MBNL2: variants seen among roughly 807,000 people sequenced by gnomAD.
The protein encoded by MBNL2 is muscleblind-like protein 2.
In MBNL2, 17 loss-of-function variants were observed where a neutral mutation model predicts 41.9. The ratio of observed to expected loss-of-function variants is 0.41; its 90% CI spans 0.28 to 0.61. The LOEUF (loss-of-function observed/expected upper bound fraction) is 0.61, where lower values mean the gene tolerates loss of function less well. MBNL2 is among the 20% of genes least tolerant of loss of function. MBNL2 has a pLI of 0.35. For synonymous variants in MBNL2, 195 were observed against 182.9 expected (o/e 1.07, Z -0.53); for missense variants, 336 against 505.6 (o/e 0.66, Z 3.22).
chr13:97,239,950 C>G (rs2043962774), intron 1 of MBNL2, among the ~76,000 whole-genome samples: 1 of 152,196 alleles, frequency 6.6e-6, no homozygotes, highest in Non-Finnish European at 1.5e-5. Flanking sequence ...CTATATTCAC[C>G]TCTCCACCCA....
chr13:97,263,442 A>G (rs1192026940), intron 1 of MBNL2, among the ~76,000 whole-genome samples: 1 of 152,154 alleles, frequency 6.6e-6, no homozygotes, highest in Non-Finnish European at 1.5e-5. Flanking sequence ...CCCCTATGTC[A>G]CTATTCATAA....
chr13:97,379,418 T>G (rs2065233602), intron 8 of MBNL2, among the ~76,000 whole-genome samples: 1 of 152,190 alleles, frequency 6.6e-6, no homozygotes, highest in Non-Finnish European at 1.5e-5. Flanking sequence ...AATTTAAAAA[T>G]AAAGATACTA....
At chr13:97,319,975 A>C (rs2059369446) in intron 2 of MBNL2, among the ~76,000 whole-genome samples, 1 of 152,180 alleles carries the variant, frequency 6.6e-6, no homozygotes, top group African/African-American at 2.4e-5. Context: ...GGGAGATCTC[A>C]TTACCTAAGA....
the MBNL2 span, among the ~76,000 whole-genome samples, chr13:97,182,159 G>A: frequency 6.6e-6 from 1 of 152,266 alleles, no homozygotes; most frequent in East Asian, 1.9e-4. Flanking sequence ...TGGAAGGAAG[G>A]CATATGGATG....
At chr13:97,187,867 C>T in the MBNL2 span, among the ~76,000 whole-genome samples, 1 of 151,116 alleles carries the variant, frequency 6.6e-6, no homozygotes, top group South Asian at 2.1e-4. Context: ...TGAGATCGCG[C>T]CACCGCACTC....
intron 4 of MBNL2, among the ~76,000 whole-genome samples, chr13:97,345,911 A>G (rs908699839): frequency 2.6e-5 from 4 of 152,310 alleles, no homozygotes; most frequent in African/African-American, 7.2e-5. Context: ...GAATTGTCAT[A>G]CAAGTAGGTG....
At position 97,366,440 on chromosome 13, in the gene MBNL2, A is replaced by G. The variant is rs745649065; in HGVS notation, c.1048+1269A>G. ...CTACACCCTCCTGTTCATTGCTCCC[A>G]TGGTTCCCCTCCTGAAAGTACCCAT... On this transcript the variant is annotated intron_variant, in intron 8 of 8. Transcript: ENST00000679496. The surrounding 1 kb of genome is among the most constrained non-coding windows in gnomAD (Gnocchi z 4.7). 1.6e-6 allele frequency: 2 copies of G among 1,276,586 alleles called. No individual in the cohort carries two copies. The highest frequency in any genetic ancestry group is 2.3e-6 in the Non-Finnish European group (2 of 875,430). 79.1% of individuals were successfully genotyped at this position (1,276,586 alleles called of 1,614,324 possible).
intron 1 of MBNL2, among the ~76,000 whole-genome samples, chr13:97,247,418 A>C (rs1260935913): frequency 6.6e-6 from 1 of 152,198 alleles, no homozygotes; most frequent in Non-Finnish European, 1.5e-5. Context: ...GATTCCCCTT[A>C]AAAGTGAGAT....
At chr13:97,158,571 G>T in the MBNL2 span, among the ~76,000 whole-genome samples, 1 of 151,030 alleles carries the variant, frequency 6.6e-6, no homozygotes, top group Non-Finnish European at 1.5e-5. Context: ...CTTTGAATGC[G>T]TCCCAGAGAT....
intron 2 of MBNL2, among the ~76,000 whole-genome samples, chr13:97,287,918 G>GTTTTTTTTTTTTTTTTTTTTTTTTTTT (rs11423615): frequency 3.2e-5 from 4 of 124,630 alleles, no homozygotes; most frequent in African/African-American, 1.0e-4. Context: ...CTAATTTTCT[G>GTTTTTTTTTTTTTTTTTTTTTTTTTTT]TTTTTTTTTT....
chr13:97,289,907 A>G (rs1269946346), intron 2 of MBNL2, among the ~76,000 whole-genome samples: 5 of 152,258 alleles, frequency 3.3e-5, no homozygotes, highest in Non-Finnish European at 7.3e-5. Flanking sequence ...GCCTATATTA[A>G]AGAAGAATAC....
At chr13:97,224,628 C>CAAAAAAAAAAAAAA (rs538498133) in intron 1 of MBNL2, among the ~76,000 whole-genome samples, 1 of 107,450 alleles carries the variant, frequency 9.3e-6, no homozygotes, top group Non-Finnish European at 1.9e-5. Flanking sequence ...GACCTTTTAC[C>CAAAAAAAAAAAAAA]AAAAAAAAAA....
At chr13:97,338,968 A>C (rs1002341978) in intron 3 of MBNL2, among the ~76,000 whole-genome samples, 1 of 152,138 alleles carries the variant, frequency 6.6e-6, no homozygotes, top group Non-Finnish European at 1.5e-5. Flanking sequence ...CCTTGCTGCT[A>C]CAAAATAGCA....
At chr13:97,364,289 C>A (rs1012133440) in intron 7 of MBNL2, among the ~76,000 whole-genome samples, 2 of 152,190 alleles carry the variant, frequency 1.3e-5, no homozygotes, top group Non-Finnish European at 2.9e-5. Context: ...TGCCAGAAAT[C>A]CCCCTCAGGG....
intron 1 of MBNL2, among the ~76,000 whole-genome samples, chr13:97,260,729 A>T (rs1327957184): frequency 6.6e-6 from 1 of 152,192 alleles, no homozygotes; most frequent in Non-Finnish European, 1.5e-5. Context: ...AGTGCATTTG[A>T]AGCCATAAAA....
In MBNL2 at chr13:97,334,976, C is replaced by T. The variant is rs578201037; in HGVS notation, c.339+536C>T. 4.6e-5 allele frequency among the ~76,000 whole-genome samples: 7 copies of T among 152,248 alleles called. No homozygotes were observed. Among genetic ancestry groups the T allele is most frequent in the Admixed American group, 2.0e-4 (3 of 15,298 alleles). ...TTCCAGGAAGATCCTAGTAACAGCCCCCAAAGAAGGATGTCAAATGCAGCA... is the reference window on the plus strand; with the variant it reads ...TTCCAGGAAGATCCTAGTAACAGCCTCCAAAGAAGGATGTCAAATGCAGCA... On this transcript the variant is annotated intron_variant, in intron 3 of 8. Transcript: ENST00000679496. The surrounding 1 kb of genome is among the most constrained non-coding windows in gnomAD (Gnocchi z 5.3).
intron 1 of MBNL2, among the ~76,000 whole-genome samples, chr13:97,274,677 A>G (rs1260851290): frequency 5.9e-5 from 9 of 152,218 alleles, no homozygotes; most frequent in Admixed American, 5.9e-4. Context: ...CTATTTATGA[A>G]AATAATCAAC....
intron 2 of MBNL2, among the ~76,000 whole-genome samples, chr13:97,288,975 GAACA>G (rs2055238009): frequency 6.6e-6 from 1 of 152,166 alleles, no homozygotes; most frequent in East Asian, 1.9e-4. Context: ...AAGCTCTGTA[GAACA>G]TGATATATTG....
intron 8 of MBNL2, among the ~76,000 whole-genome samples, chr13:97,367,336 C>A (rs1026902918): frequency 1.3e-5 from 2 of 152,188 alleles, no homozygotes; most frequent in Non-Finnish European, 2.9e-5. Context: ...AAGGAGACAG[C>A]GTGAGGGTGA....
Sources: allele counts gnomAD v4.1 joint callset (sites outside exome capture counted in the v4.1 genomes callset), GRCh38; gene constraint gnomAD v4.1.1; non-coding constraint Gnocchi (gnomAD v3.1); transcripts MANE v1.5; gene names NCBI Gene and HGNC (gene_info 2026-07-23, HGNC 2026-07-21).